The following EYA1 variants were observed in gnomAD, a reference collection of about 807,000 sequenced individuals.
EYA1 encodes EYA transcriptional coactivator and phosphatase 1.
EYA1 carries 16 observed loss-of-function variants against 82.0 expected under a neutral mutation model. That is an observed-to-expected ratio of 0.20 (90% CI 0.13 to 0.30). The LOEUF is 0.30. Among genes scored for constraint, EYA1 ranks in the 10% least tolerant of loss-of-function variants. EYA1 has a pLI of 1.00. For missense variants in EYA1, 633 were observed against 730.7 expected, an observed-to-expected ratio of 0.87 and a Z score of 1.54; for synonymous variants, 261 against 264.4, an observed-to-expected ratio of 0.99 and a Z score of 0.12.
chr8:71,328,686 T>C (rs1823448058), intron 4 of EYA1, among the ~76,000 whole-genome samples: 1 of 152,236 alleles, frequency 6.6e-6, no homozygotes, highest in African/African-American at 2.4e-5. Context: ...CTGGGGTTGA[T>C]GACAGATCTT....
Position 71,322,204 on chromosome 8 carries a change from A to G in EYA1, c.267T>C (p.Pro89=). 6.2e-7 allele frequency: 1 copy of G among 1,612,688 alleles called. No individual in the cohort carries two copies. Among genetic ancestry groups the G allele is most frequent in the Non-Finnish European group, 8.5e-7 (1 of 1,178,636 alleles). Residue 89 remains proline (P), a synonymous_variant, in exon 5 of 18, where the codon CCT becomes CCC. Coordinates refer to ENST00000340726, the MANE Select transcript of EYA1 (RefSeq NM_000503.6). ...TAAGAGAAAATACATCTTACTTGGAAGGGTAAATCTGTGGTGGAGAGAACT... is the reference window on the plus strand; with the variant it reads ...TAAGAGAAAATACATCTTACTTGGAGGGGTAAATCTGTGGTGGAGAGAACT... ...THQFSPPQIY[P]SNRPYPHILP... is the part of the protein sequence containing the mutation.
intron 2 of EYA1, among the ~76,000 whole-genome samples, chr8:71,513,394 T>G (rs1368145065): frequency 2.0e-5 from 3 of 152,166 alleles, no homozygotes; most frequent in Admixed American, 6.6e-5. Flanking sequence ...AAGTCAATAG[T>G]CTGTTTAAAA....
chr8:71,519,183 A>G (rs1813205999), intron 2 of EYA1, among the ~76,000 whole-genome samples: 1 of 152,216 alleles, frequency 6.6e-6, no homozygotes, highest in Non-Finnish European at 1.5e-5. Context: ...AAGACAAAAA[A>G]CATTTGTTAC....
intron 12 of EYA1, among the ~76,000 whole-genome samples, chr8:71,220,100 A>G (rs1306158671): frequency 6.6e-6 from 1 of 152,208 alleles, no homozygotes; most frequent in Non-Finnish European, 1.5e-5. Flanking sequence ...TCTACTGACA[A>G]AGACAAAAAT....
chr8:71,374,076 T>A (rs1055608984), intron 2 of EYA1, among the ~76,000 whole-genome samples: 4 of 152,062 alleles, frequency 2.6e-5, no homozygotes, highest in Non-Finnish European at 5.9e-5. Flanking sequence ...TTGGTCTTGG[T>A]GATGATTTTT....
In EYA1 at chr8:71,491,659, G is replaced by C. The variant is rs899088324; in HGVS notation, c.33+44085C>G. On this transcript the variant is annotated intron_variant, in intron 2 of 18. Transcript: ENST00000643681. Reference sequence around the variant, plus strand: ...CTTGGTCTGAGACTTCTAGCCTCCAGATTGTGAGAAAATCAATTTCTGTTG... The same window carrying C: ...CTTGGTCTGAGACTTCTAGCCTCCACATTGTGAGAAAATCAATTTCTGTTG... Among the ~76,000 whole-genome samples the C allele has an allele frequency of 3.9e-5, 6 of 152,316 alleles. No homozygotes were observed. In the East Asian group the frequency reaches 1.2e-3, roughly 29 times the overall value.
intron 12 of EYA1, among the ~76,000 whole-genome samples, chr8:71,240,644 G>A (rs898588174): frequency 6.6e-6 from 1 of 152,158 alleles, no homozygotes; most frequent in Admixed American, 6.5e-5. Flanking sequence ...CATGGGTTAG[G>A]ATGGCAACCA....
intron 6 of EYA1, among the ~76,000 whole-genome samples, chr8:71,320,069 G>A (rs148592112): frequency 1.3e-5 from 2 of 152,068 alleles, no homozygotes; most frequent in African/African-American, 4.8e-5. Context: ...CACTCTGCTA[G>A]TTCTTATTCT....
intron 7 of EYA1, among the ~76,000 whole-genome samples, chr8:71,308,502 G>A (rs1274286776): frequency 6.6e-6 from 1 of 151,928 alleles, no homozygotes; most frequent in African/African-American, 2.4e-5. Context: ...ATCCTATATG[G>A]GACATGCAGT....
intron 12 of EYA1, among the ~76,000 whole-genome samples, chr8:71,236,044 CTTTATT>C (rs1293007842): frequency 4.0e-5 from 6 of 151,896 alleles, no homozygotes; most frequent in Admixed American, 1.3e-4. Flanking sequence ...AAATTTTACT[CTTTATT>C]TTATTTTTTT....
chr8:71,447,176 C>T (rs1037922512), intron 2 of EYA1, among the ~76,000 whole-genome samples: 1 of 151,860 alleles, frequency 6.6e-6, no homozygotes, highest in Non-Finnish European at 1.5e-5. Context: ...TCTTTTATCA[C>T]TCACCCCAGA....
intron 2 of EYA1, among the ~76,000 whole-genome samples, chr8:71,513,600 T>C (rs1812754057): frequency 6.6e-6 from 1 of 152,120 alleles, no homozygotes; most frequent in African/African-American, 2.4e-5. Context: ...CTTTGAGTCA[T>C]AAAGCATTCA....
At chr8:71,330,210 G>C (rs749674864) in intron 4 of EYA1, among the ~76,000 whole-genome samples, 6 of 152,050 alleles carry the variant, frequency 3.9e-5, no homozygotes, top group Non-Finnish European at 8.8e-5. Context: ...CTGAAGAATC[G>C]GATAGGAACT....
intron 17 of EYA1, among the ~76,000 whole-genome samples, chr8:71,206,237 T>TA (rs397892380): frequency 1.3e-5 from 2 of 151,844 alleles, no homozygotes; most frequent in Non-Finnish European, 2.9e-5. Flanking sequence ...TTTTTTTTTT[T>TA]AAACAGGGTC....
Position 71,215,436 on chromosome 8 carries a change from C to T in EYA1, c.1548G>A (p.Gly516=), listed in dbSNP as rs1220999478. 8 of 1,612,404 alleles carry T rather than the reference C, an allele frequency of 5.0e-6. No homozygotes were observed. Among genetic ancestry groups the T allele is most frequent in the Non-Finnish European group, 6.8e-6 (8 of 1,178,544 alleles). The change falls in exon 16 of 18, where the codon GGG becomes GGA. Residue 516 remains glycine, a synonymous_variant. Coordinates refer to ENST00000340726, the MANE Select transcript of EYA1 (RefSeq NM_000503.6). ...TTTCTATTGGAAATACAATTCCTAA[C>T]CCATACAGCAGGACTTTCGCCAATG... ...IPALAKVLLY[G]LGIVFPIENI...
At chr8:71,512,157 T>C (rs968001878) in intron 2 of EYA1, among the ~76,000 whole-genome samples, 5 of 152,186 alleles carry the variant, frequency 3.3e-5, no homozygotes, top group Admixed American at 1.3e-4. Context: ...TTTTGTAAAA[T>C]GCCAACTCCA....
intron 12 of EYA1, among the ~76,000 whole-genome samples, chr8:71,225,623 G>A (rs971570051): frequency 1.3e-5 from 2 of 152,094 alleles, no homozygotes; most frequent in African/African-American, 4.8e-5. Context: ...CATACTATTG[G>A]TGCCAACCGA....
chr8:71,469,315 T>A (rs181160081), intron 2 of EYA1, among the ~76,000 whole-genome samples: 26 of 152,148 alleles, frequency 1.7e-4, no homozygotes, highest in African/African-American at 6.3e-4. Context: ...GGATCTAGAG[T>A]CAAAGGTGTA....
chr8:71,316,532 C>T (rs770025811), intron 7 of EYA1, among the ~76,000 whole-genome samples: 6 of 151,674 alleles, frequency 4.0e-5, no homozygotes, highest in Non-Finnish European at 8.8e-5. Flanking sequence ...AATAATGAGC[C>T]CATGCTGTAT....
Sources: allele counts gnomAD v4.1 joint callset (sites outside exome capture counted in the v4.1 genomes callset), GRCh38; gene constraint gnomAD v4.1.1; transcripts MANE v1.5; gene names NCBI Gene and HGNC (gene_info 2026-07-23, HGNC 2026-07-21).